Variants in STX8 observed in about 807,000 individuals in gnomAD.
STX8 encodes the protein syntaxin-8.
A neutral mutation model predicts 37.5 loss-of-function variants in STX8; 23 were observed. The observed-to-expected ratio is 0.61, with a 90% confidence interval of 0.44 to 0.87. The LOEUF is 0.87. Among genes scored for constraint, STX8 ranks in the 40% least tolerant of loss-of-function variants. The probability of loss-of-function intolerance (pLI) is 0.00; values close to 1 mark genes in which losing one functional copy is unlikely to be tolerated. For synonymous variants in STX8, 115 were observed against 99.1 expected, an observed-to-expected ratio of 1.16 and a Z score of -0.95; for missense variants, 313 against 284.7, an observed-to-expected ratio of 1.10 and a Z score of -0.71.
intron 7 of STX8, among the ~76,000 whole-genome samples, chr17:9,313,820 C>T (rs527257196): frequency 6.6e-6 from 1 of 152,200 alleles, no homozygotes; most frequent in East Asian, 1.9e-4. Context: ...TTAGTAGAGA[C>T]GGGGTTTCAC....
At chr17:9,467,144 G>C (rs1905651981) in intron 6 of STX8, 1 of 152,274 alleles carries the variant, frequency 6.6e-6, no homozygotes, top group Admixed American at 6.6e-5. Flanking sequence ...ACCCGCCTCA[G>C]CTTCCCAAAG....
Position 9,275,741 on chromosome 17 carries a change from G to A in STX8, c.644-25096C>T, listed in dbSNP as rs375101318. Among the ~76,000 whole-genome samples, 841 of 152,078 alleles carry A rather than the reference G, an allele frequency of 5.5e-3. 7 individuals are homozygous for A. Among genetic ancestry groups the A allele is most frequent in the Middle Eastern group, 0.031 (9 of 292 alleles). On this transcript the variant is annotated intron_variant, in intron 7 of 7. Transcript: ENST00000306357. ...AAATTAGCCGGGCATGGTGGCTCATGCCTGTAATCCCAGCTACTCGGGAGG... is the reference window on the plus strand; with the variant it reads ...AAATTAGCCGGGCATGGTGGCTCATACCTGTAATCCCAGCTACTCGGGAGG...
chr17:9,426,246 G>T (rs1726555863), intron 6 of STX8, among the ~76,000 whole-genome samples: 1 of 152,110 alleles, frequency 6.6e-6, no homozygotes, highest in Admixed American at 6.6e-5. Flanking sequence ...CCTGCCCAAG[G>T]CCAGGCACGA....
chr17:9,463,407 T>C (rs1905475178), intron 6 of STX8, among the ~76,000 whole-genome samples: 1 of 152,220 alleles, frequency 6.6e-6, no homozygotes, highest in Admixed American at 6.5e-5. Flanking sequence ...CTGCAATCTA[T>C]TCCATTGAGA....
chr17:9,404,909 G>A (rs1394629937), intron 6 of STX8, among the ~76,000 whole-genome samples: 1 of 152,130 alleles, frequency 6.6e-6, no homozygotes, highest in Non-Finnish European at 1.5e-5. Context: ...TTCCTCTGGT[G>A]TGGTGTCTGT....
At chr17:9,454,617 T>G (rs1447391308) in intron 6 of STX8, among the ~76,000 whole-genome samples, 1 of 151,182 alleles carries the variant, frequency 6.6e-6, no homozygotes, top group Non-Finnish European at 1.5e-5. Flanking sequence ...GAGGCGGAGC[T>G]TGCAGTGAGC....
intron 6 of STX8, among the ~76,000 whole-genome samples, chr17:9,475,600 C>A (rs181194109): frequency 1.3e-5 from 2 of 152,094 alleles, no homozygotes; most frequent in South Asian, 4.1e-4. Flanking sequence ...CCTGGGAGTG[C>A]GCATGGTGTT....
intron 6 of STX8, among the ~76,000 whole-genome samples, chr17:9,402,322 T>G (rs1029125023): frequency 6.6e-6 from 1 of 152,158 alleles, no homozygotes; most frequent in Non-Finnish European, 1.5e-5. Context: ...GGTTTCTCCA[T>G]GTTGGTCAGG....
intron 3 of STX8, among the ~76,000 whole-genome samples, chr17:9,552,456 A>G (rs1906803084): frequency 6.6e-6 from 1 of 152,210 alleles, no homozygotes; most frequent in Non-Finnish European, 1.5e-5. Context: ...AGACAGGGAC[A>G]GTGTTTGAAA....
At chr17:9,438,610 C>T (rs551367175) in intron 6 of STX8, among the ~76,000 whole-genome samples, 56 of 152,114 alleles carry the variant, frequency 3.7e-4, no homozygotes, top group African/African-American at 1.3e-3. Flanking sequence ...ACTGCTGTTG[C>T]GGTGCAAAAG....
At chr17:9,278,472 C>T (rs1907762032) in intron 7 of STX8, among the ~76,000 whole-genome samples, 1 of 151,080 alleles carries the variant, frequency 6.6e-6, no homozygotes, top group Non-Finnish European at 1.5e-5. Flanking sequence ...AAAATAGAAA[C>T]ATACTTTAGA....
At chr17:9,505,799 G>T (rs1055170001) in intron 4 of STX8, among the ~76,000 whole-genome samples, 1 of 151,924 alleles carries the variant, frequency 6.6e-6, no homozygotes, top group African/African-American at 2.4e-5. Flanking sequence ...AAAATTAGCC[G>T]GGCTTGGCGG....
At chr17:9,308,199 C>A (rs1459268158) in intron 7 of STX8, among the ~76,000 whole-genome samples, 2 of 152,062 alleles carry the variant, frequency 1.3e-5, no homozygotes, top group African/African-American at 4.8e-5. Context: ...GTGGGGAAAC[C>A]CCGCAGGACC....
At chr17:9,388,677 C>A (rs1346620314) in intron 6 of STX8, among the ~76,000 whole-genome samples, 1 of 151,712 alleles carries the variant, frequency 6.6e-6, no homozygotes, top group Non-Finnish European at 1.5e-5. Flanking sequence ...GTGGTGCATG[C>A]CTGTAATCCC....
chr17:9,474,779 T>C (rs1263902746), intron 6 of STX8, among the ~76,000 whole-genome samples: 1 of 152,190 alleles, frequency 6.6e-6, no homozygotes, highest in Non-Finnish European at 1.5e-5. Flanking sequence ...GAGACCATCC[T>C]GGCTAACAGG....
At chr17:9,294,596 T>C (rs1369945840) in intron 7 of STX8, among the ~76,000 whole-genome samples, 1 of 152,128 alleles carries the variant, frequency 6.6e-6, no homozygotes, top group Non-Finnish European at 1.5e-5. Context: ...GAAGAATGCA[T>C]GGGAAAGGAT....
chr17:9,458,438 C>T (rs929429852), intron 6 of STX8, among the ~76,000 whole-genome samples: 43 of 152,142 alleles, frequency 2.8e-4, no homozygotes, highest in Admixed American at 5.2e-4. Context: ...CGTGAGCCAC[C>T]GTGCCCTGCC....
At chr17:9,463,490 C>A (rs1905478841) in intron 6 of STX8, among the ~76,000 whole-genome samples, 1 of 152,132 alleles carries the variant, frequency 6.6e-6, no homozygotes, top group Non-Finnish European at 1.5e-5. Flanking sequence ...CAAATATTTA[C>A]AGGCTGGGTG....
At chr17:9,530,944 A>G (rs1203448973) in intron 4 of STX8, among the ~76,000 whole-genome samples, 1 of 152,204 alleles carries the variant, frequency 6.6e-6, no homozygotes, top group Admixed American at 6.5e-5. Flanking sequence ...CTCTGGTTCA[A>G]CCCTTCACAT....
Sources: allele counts gnomAD v4.1 joint callset (sites outside exome capture counted in the v4.1 genomes callset), GRCh38; gene constraint gnomAD v4.1.1; transcripts MANE v1.5; gene names NCBI Gene and HGNC (gene_info 2026-07-23, HGNC 2026-07-21).